The following KCNQ1OT1 variants were observed in gnomAD, a reference collection of about 807,000 sequenced individuals.
The protein encoded by KCNQ1OT1 is KCNQ1 opposite strand/antisense transcript 1.
At chr11:2,609,053 T>C in exon 1 of KCNQ1OT1, 1 of 398,478 alleles carries the variant, frequency 2.5e-6, no homozygotes, top group Admixed American at 4.4e-5. Context: ...TTTATTATTT[T>C]GTTTTTTCTA....
In KCNQ1OT1 at chr11:2,680,228, G is replaced by A. The variant is rs995105956; in HGVS notation, n.19767C>T. ...AATTAAAAAAAAAAAAAAAAAAAAA[G>A]TTGTCTATCTGTGTGTATATTCATA... On this transcript the variant is annotated non_coding_transcript_exon_variant, in exon 1 of 1. Coordinates refer to ENST00000597346, the Ensembl canonical transcript of KCNQ1OT1. 3.3e-4 allele frequency: 122 copies of A among 373,840 alleles called. No homozygotes were observed. Among genetic ancestry groups the A allele is most frequent in the African/African-American group, 2.8e-3 (117 of 42,172 alleles). 23.2% of individuals were successfully genotyped at this position (373,840 alleles called of 1,614,324 possible).
chr11:2,697,747 C>T (rs10832548), exon 1 of KCNQ1OT1: 91,241 of 398,382 alleles, frequency 0.23, 11,201 homozygotes, highest in South Asian at 0.32. Flanking sequence ...TTGTTTAATA[C>T]ATATTATTGG....
chr11:2,685,436 C>T (rs771362956), exon 1 of KCNQ1OT1: 40 of 398,594 alleles, frequency 1.0e-4, no homozygotes, highest in East Asian at 2.1e-4. Flanking sequence ...GTCACCTGAA[C>T]GAGAAGCCCT....
In KCNQ1OT1 at chr11:2,620,223, T is replaced by TA. The variant is rs1849145971; in HGVS notation, n.79771dup. On this transcript the variant is annotated non_coding_transcript_exon_variant, in exon 1 of 1. Transcript: ENST00000597346. This position sits in a 1 kb window ranked among gnomAD's most constrained non-coding sequence, Gnocchi z 4.5. The stretch of plus-strand genomic sequence containing the variant: ...TGTATATATATATATTTTTTTTTTT[T>TA]ATTTTTTTTTTAGACGGAGTTTCGC... 1 of 270,922 alleles carries TA rather than the reference T, an allele frequency of 3.7e-6. No individual in the cohort carries two copies. The highest frequency in any genetic ancestry group is 6.7e-6 in the Non-Finnish European group (1 of 150,316). 16.8% of individuals were successfully genotyped at this position (270,922 alleles called of 1,614,324 possible).
In KCNQ1OT1 at chr11:2,668,766, T is replaced by C. The variant is rs181334533; in HGVS notation, n.31229A>G. 1.4e-4 allele frequency: 54 copies of C among 398,604 alleles called. No individual in the cohort carries two copies. The highest frequency in any genetic ancestry group is 2.1e-4 in the Non-Finnish European group (48 of 226,052). The allele number at this position is 398,604 out of a possible 1,614,324, so 24.7% of individuals were successfully genotyped here. A position where few individuals can be genotyped will look rare whatever the true frequency, so the allele number is the denominator to read the frequency against. ...TCTGCAGGCTGCCTTCTTCCTCTCTTGATGGTGTCTTTTGATGAACAGAAG... is the reference window on the plus strand; with the variant it reads ...TCTGCAGGCTGCCTTCTTCCTCTCTCGATGGTGTCTTTTGATGAACAGAAG... On this transcript the variant is annotated non_coding_transcript_exon_variant, in exon 1 of 1. Transcript: ENST00000597346. The surrounding 1 kb of genome is among the most constrained non-coding windows in gnomAD (Gnocchi z 4.3).
chr11:2,664,823 A>G lies in KCNQ1OT1; in HGVS notation n.35172T>C, dbSNP rs150028934. 8.3e-5 allele frequency: 33 copies of G among 398,662 alleles called. No homozygotes were observed. The highest frequency in any genetic ancestry group is 1.3e-4 in the Non-Finnish European group (30 of 226,108). 24.7% of individuals were successfully genotyped at this position (398,662 alleles called of 1,614,324 possible). ...CATTTCCATTTTTCTTCAGCATTCT[A>G]CTGATGTTAAATGTATTACCATGCT... On this transcript the variant is annotated non_coding_transcript_exon_variant, in exon 1 of 1. Coordinates refer to ENST00000597346, the Ensembl canonical transcript of KCNQ1OT1. This position sits in a 1 kb window ranked among gnomAD's most constrained non-coding sequence, Gnocchi z 5.1.
At chr11:2,616,498 T>C (rs1178169970) in exon 1 of KCNQ1OT1, 1 of 397,792 alleles carries the variant, frequency 2.5e-6, no homozygotes, top group Non-Finnish European at 4.4e-6. Context: ...TATGGATCCT[T>C]CTTCTTTTTC....
At chr11:2,631,156 T>C in exon 1 of KCNQ1OT1, 1 of 398,596 alleles carries the variant, frequency 2.5e-6, no homozygotes, top group South Asian at 1.3e-4. Context: ...TTTTCAGCCA[T>C]TATTTCTCTG....
chr11:2,669,672 G>A lies in KCNQ1OT1; in HGVS notation n.30323C>T, dbSNP rs1590020800. The A allele has an allele frequency of 1.3e-5, 5 of 398,628 alleles. No individual in the cohort carries two copies. The highest frequency in any genetic ancestry group is 2.2e-5 in the Non-Finnish European group (5 of 226,078). The allele number at this position is 398,628 out of a possible 1,614,324, so 24.7% of individuals were successfully genotyped here. ...TGGGAGTATATCTCACAGTATTAGT[G>A]TAAGGCCTTGAGGAGATGGTGTTAG... On this transcript the variant is annotated non_coding_transcript_exon_variant, in exon 1 of 1. Coordinates refer to ENST00000597346, the Ensembl canonical transcript of KCNQ1OT1. The surrounding 1 kb of genome is among the most constrained non-coding windows in gnomAD (Gnocchi z 5.6).
chr11:2,663,485 G>A lies in KCNQ1OT1; in HGVS notation n.36510C>T, dbSNP rs1850006674. ...GTTAGTTTAGTGGCTCATGTTGTGT[G>A]CAATACAGGTGGCAGTGCCTGTATT... On this transcript the variant is annotated non_coding_transcript_exon_variant, in exon 1 of 1. Transcript: ENST00000597346. The surrounding 1 kb of genome is among the most constrained non-coding windows in gnomAD (Gnocchi z 5.2). 1 of 398,690 alleles carries A rather than the reference G, an allele frequency of 2.5e-6. No homozygotes were observed. Among genetic ancestry groups the A allele is most frequent in the Admixed American group, 4.4e-5 (1 of 22,734 alleles). The allele number at this position is 398,690 out of a possible 1,614,324, so 24.7% of individuals were successfully genotyped here.
chr11:2,644,809 C>G, exon 1 of KCNQ1OT1: 1 of 398,638 alleles, frequency 2.5e-6, no homozygotes, highest in Non-Finnish European at 4.4e-6. Context: ...TTTTTTTCAG[C>G]TGTAAACAGC....
At chr11:2,615,687 T>C (rs946143139) in exon 1 of KCNQ1OT1, 6 of 398,020 alleles carry the variant, frequency 1.5e-5, no homozygotes, top group African/African-American at 1.2e-4. Flanking sequence ...ATTACATTGA[T>C]TGATACTCTT....
At chr11:2,643,955 G>A (rs1849622318) in exon 1 of KCNQ1OT1, 3 of 398,380 alleles carry the variant, frequency 7.5e-6, no homozygotes, top group Non-Finnish European at 1.3e-5. Context: ...TAAAGTTTCT[G>A]CTGAAAAATC....
chr11:2,697,872 T>TA (rs1488924878), exon 1 of KCNQ1OT1: 4 of 398,556 alleles, frequency 1.0e-5, no homozygotes, highest in African/African-American at 6.2e-5. Flanking sequence ...TTCGCAATTT[T>TA]AAAAAATCCC....
At position 2,613,161 on chromosome 11, in the gene KCNQ1OT1, G is replaced by A; in HGVS notation, n.86834C>T. The A allele has an allele frequency of 2.5e-6, 1 of 398,404 alleles. No individual in the cohort carries two copies. Among genetic ancestry groups the A allele is most frequent in the East Asian group, 3.6e-5 (1 of 28,068 alleles). 24.7% of individuals were successfully genotyped at this position (398,404 alleles called of 1,614,324 possible). A position where few individuals can be genotyped will look rare whatever the true frequency, so the allele number is the denominator to read the frequency against. ...GCTGAGGGGATCTATGTGTGGGTTG[G>A]GACATTCAAAGTTCAGGCACTTTAT... On this transcript the variant is annotated non_coding_transcript_exon_variant, in exon 1 of 1. Transcript: ENST00000597346. This position sits in a 1 kb window ranked among gnomAD's most constrained non-coding sequence, Gnocchi z 4.8.
At chr11:2,686,279 G>A (rs1036220082) in exon 1 of KCNQ1OT1, 7 of 398,610 alleles carry the variant, frequency 1.8e-5, no homozygotes, top group African/African-American at 1.0e-4. Flanking sequence ...ACTGCCACTG[G>A]CTTGGGAGGC....
chr11:2,619,026 A>G, exon 1 of KCNQ1OT1: 2 of 398,424 alleles, frequency 5.0e-6, no homozygotes, highest in Non-Finnish European at 4.4e-6. Context: ...TTGATTTTAT[A>G]TCCTACAACT....
At chr11:2,660,492 G>A (rs1849932383) in exon 1 of KCNQ1OT1, 1 of 398,478 alleles carries the variant, frequency 2.5e-6, no homozygotes, top group African/African-American at 2.1e-5. Flanking sequence ...AGCTATCTAT[G>A]CCTCATATAA....
chr11:2,624,667 C>T lies in KCNQ1OT1; in HGVS notation n.75328G>A. ...TACGTTCACAATGCTGTGCAATCAT[C>T]ACTATCATCCATCTCCATAACACTT... On this transcript the variant is annotated non_coding_transcript_exon_variant, in exon 1 of 1. Transcript: ENST00000597346. The surrounding 1 kb of genome is among the most constrained non-coding windows in gnomAD (Gnocchi z 4.9). The T allele has an allele frequency of 2.5e-6, 1 of 398,552 alleles. No homozygotes were observed. The highest frequency in any genetic ancestry group is 4.4e-6 in the Non-Finnish European group (1 of 226,030). 24.7% of individuals were successfully genotyped at this position (398,552 alleles called of 1,614,324 possible). A position where few individuals can be genotyped will look rare whatever the true frequency, so the allele number is the denominator to read the frequency against.
Sources: gnomAD v4.1 joint callset for allele counts on GRCh38, gnomAD v4.1.1 for gene constraint, Gnocchi (gnomAD v3.1) non-coding constraint, MANE v1.5 for transcripts, NCBI Gene and HGNC (gene_info 2026-07-23, HGNC 2026-07-21) for gene names.